The following HDX variants were observed in gnomAD, a reference collection of about 807,000 sequenced individuals.
The protein encoded by HDX is highly divergent homeobox.
In HDX, 19 loss-of-function variants were observed where a neutral mutation model predicts 45.2. That is an observed-to-expected ratio of 0.42 (90% confidence interval 0.29 to 0.62). The LOEUF (loss-of-function observed/expected upper bound fraction) is 0.62. HDX is among the 20% of genes least tolerant of loss of function. The probability of loss-of-function intolerance (pLI) is 0.20; values close to 1 mark genes in which losing one functional copy is unlikely to be tolerated. For synonymous variants in HDX, 188 were observed against 172.8 expected (o/e 1.09, Z -0.69); for missense variants, 532 against 493.9 (o/e 1.08, Z -0.73).
At chrX:84,390,864 G>A (rs1197844630) in intron 5 of HDX, among the ~76,000 whole-genome samples, 4 of 111,437 alleles carry the variant, frequency 3.6e-5, no homozygotes, top group Non-Finnish European at 7.5e-5. Flanking sequence ...ATACTTATGG[G>A]GTACATGTAT....
intron 9 of HDX, among the ~76,000 whole-genome samples, chrX:84,333,467 T>C (rs1255860453): frequency 9.0e-6 from 1 of 111,377 alleles, no homozygotes; most frequent in Non-Finnish European, 1.9e-5. Flanking sequence ...ATTGGCTTTA[T>C]AAAAGCTTTG....
chrX:84,488,473 GTAA>G (rs1428077827), intron 1 of HDX, among the ~76,000 whole-genome samples: 1 of 110,743 alleles, frequency 9.0e-6, no homozygotes, highest in Non-Finnish European at 1.9e-5. Context: ...AAAGACATTA[GTAA>G]TAATATACTT....
chrX:84,370,061 C>A (rs779790635), intron 5 of HDX, among the ~76,000 whole-genome samples: 1 of 111,771 alleles, frequency 8.9e-6, no homozygotes, highest in South Asian at 3.8e-4. Flanking sequence ...GTAGATTGCC[C>A]TTCCTAATGT....
chrX:84,335,952 C>T (rs887075853), intron 8 of HDX, among the ~76,000 whole-genome samples: 3 of 110,643 alleles, frequency 2.7e-5, no homozygotes, highest in African/African-American at 9.8e-5. Flanking sequence ...ATAAGTAATG[C>T]TTCTAATGAA....
intron 4 of HDX, among the ~76,000 whole-genome samples, chrX:84,441,601 C>T (rs2039762403): frequency 1.8e-5 from 2 of 111,503 alleles, no homozygotes; most frequent in Admixed American, 9.5e-5. Flanking sequence ...ATTATATATA[C>T]ATCAAACCTC....
chrX:84,375,043 T>C (rs2038012854), intron 5 of HDX, among the ~76,000 whole-genome samples: 1 of 103,550 alleles, frequency 9.7e-6, no homozygotes, highest in African/African-American at 3.6e-5. Context: ...CAAACAAATT[T>C]ACAAGAAAAA....
intron 7 of HDX, among the ~76,000 whole-genome samples, chrX:84,341,298 C>T (rs1210673482): frequency 4.5e-5 from 5 of 111,125 alleles, no homozygotes; most frequent in Non-Finnish European, 9.5e-5. Flanking sequence ...AAAGGACCAA[C>T]TATATTAGAA....
chrX:84,487,200 A>G (rs889936306), intron 2 of HDX, among the ~76,000 whole-genome samples: 2 of 112,053 alleles, frequency 1.8e-5, no homozygotes, highest in South Asian at 7.4e-4. Flanking sequence ...TCTAGGCTCT[A>G]TTACTCTGCT....
intron 9 of HDX, 111 bp downstream of exon 9, chrX:84,333,648 A>G (rs769031208): frequency 9.0e-5 from 36 of 398,676 alleles, no homozygotes; most frequent in Admixed American, 4.8e-4. Context: ...GAAAGAATTA[A>G]TGCAGAGCCT....
At chrX:84,500,447 C>G (rs1352831525) in intron 1 of HDX, 1 of 95,386 alleles carries the variant, frequency 1.0e-5, no homozygotes, top group Non-Finnish European at 2.0e-5. Flanking sequence ...TCCAGTCTAA[C>G]ACACACACAC....
chrX:84,438,925 G>A (rs774261922), intron 5 of HDX, among the ~76,000 whole-genome samples: 3 of 111,563 alleles, frequency 2.7e-5, no homozygotes, highest in East Asian at 5.7e-4. Flanking sequence ...TGGGTCAAAT[G>A]GTAGTTATAT....
At chrX:84,385,771 T>C (rs909486810) in intron 5 of HDX, among the ~76,000 whole-genome samples, 2 of 109,809 alleles carry the variant, frequency 1.8e-5, no homozygotes, top group Admixed American at 1.9e-4. Context: ...TCTTTAAGGT[T>C]TTCTAAGTAT....
chrX:84,469,535 T>C lies in HDX; in HGVS notation c.188A>G (p.Asn63Ser), dbSNP rs1185387905. The C allele has an allele frequency of 1.0e-5, 12 of 1,198,856 alleles. No homozygotes were observed. In the Admixed American group the frequency reaches 1.3e-4, roughly 13 times the overall value. ...GNKRRKMSSK[N>S]SESGTATTGT... ...TGTTGTTGCTGTTCCAGATTCAGAG[T>C]TCTTACTACTCATCTTTCTTCTCTT... Residue 63 changes from asparagine (N) to serine (S), a missense_variant, in exon 4 of 11, where the codon AAC (asparagine) becomes AGC (serine). By Grantham distance (46) the Asn-to-Ser change is conservative. This residue lies in a region of HDX where 376 missense variants were observed against 343.7 expected (regional missense o/e 1.09). Transcript: ENST00000373177.
At chrX:84,394,347 C>T (rs1057212261) in intron 5 of HDX, among the ~76,000 whole-genome samples, 1 of 111,944 alleles carries the variant, frequency 8.9e-6, no homozygotes, top group African/African-American at 3.2e-5. Flanking sequence ...GTTTGTTCCA[C>T]TGTAGTCATA....
At chrX:84,368,654 A>G (rs1371291136) in intron 5 of HDX, among the ~76,000 whole-genome samples, 2 of 111,826 alleles carry the variant, frequency 1.8e-5, no homozygotes, top group African/African-American at 6.5e-5. Context: ...AACCCTTTTC[A>G]ATCTACAGTT....
chrX:84,496,869 A>G (rs777547110), intron 1 of HDX, among the ~76,000 whole-genome samples: 5 of 111,178 alleles, frequency 4.5e-5, no homozygotes, highest in Non-Finnish European at 9.4e-5. Flanking sequence ...ATCTCTTCCA[A>G]TTGTTGCTTT....
chrX:84,430,025 G>A (rs1569337290), intron 5 of HDX, among the ~76,000 whole-genome samples: 1 of 88,322 alleles, frequency 1.1e-5, no homozygotes, highest in African/African-American at 3.6e-5. Context: ...ATTTGTTTTG[G>A]GAACATTCAG....
At chrX:84,377,276 T>C (rs1325495117) in intron 5 of HDX, among the ~76,000 whole-genome samples, 7 of 111,371 alleles carry the variant, frequency 6.3e-5, no homozygotes, top group Non-Finnish European at 1.1e-4. Context: ...CCAAAAAGGA[T>C]TGACACAACT....
Position 84,344,440 on chromosome X carries a change from T to C in HDX, c.1470A>G (p.Arg490=), listed in dbSNP as rs748189656. ...TCCCCATTAAACGATATTTCCTTCT[T>C]CGATTCCCAATCCAAGTCTTTATAA... is the stretch of plus-strand genomic sequence containing the variant. The part of the protein sequence containing the change: ...CEIVRTWIGN[R]RRKYRLMGIE... The change falls in exon 7 of 11, where the codon CGA becomes CGG. Residue 490 remains arginine, a synonymous_variant. Coordinates refer to ENST00000373177, the MANE Select transcript of HDX (RefSeq NM_001177479.2). 9 of 1,196,369 alleles carry C rather than the reference T, an allele frequency of 7.5e-6. No homozygotes were observed. Among genetic ancestry groups the C allele is most frequent in the Non-Finnish European group, 9.1e-6 (8 of 883,853 alleles).
Sources: gnomAD v4.1 joint callset for allele counts (sites outside exome capture counted in the v4.1 genomes callset) on GRCh38, gnomAD v4.1.1 for gene constraint, gnomAD v4.1.1 regional missense constraint, MANE v1.5 for transcripts, NCBI Gene and HGNC (gene_info 2026-07-23, HGNC 2026-07-21) for gene names.